Variants in CACNA1E observed in about 807,000 individuals in gnomAD.
CACNA1E encodes the protein calcium voltage-gated channel subunit alpha1 E.
In CACNA1E, 40 loss-of-function variants were observed where a neutral mutation model predicts 259.2. That is an observed-to-expected ratio of 0.15 (90% CI 0.12 to 0.20). The LOEUF is 0.20. CACNA1E is among the 10% of genes least tolerant of loss of function. CACNA1E has a pLI of 1.00. For synonymous variants in CACNA1E, 1,104 were observed against 1,138.5 expected, an observed-to-expected ratio of 0.97 and a Z score of 0.61; for missense variants, 1,874 against 3,040.1, an observed-to-expected ratio of 0.62 and a Z score of 9.02.
At chr1:181,436,967 C>T (rs898487063) in intron 2 of CACNA1E, among the ~76,000 whole-genome samples, 1 of 151,810 alleles carries the variant, frequency 6.6e-6, no homozygotes, top group African/African-American at 2.4e-5. Flanking sequence ...CACATTAAAC[C>T]CCATAAATAT....
intron 6 of CACNA1E, among the ~76,000 whole-genome samples, chr1:181,649,830 C>T (rs1658600264): frequency 1.3e-5 from 2 of 151,998 alleles, no homozygotes; most frequent in Admixed American, 1.3e-4. Context: ...TAGAGAGGAA[C>T]AACACACTGG....
chr1:181,584,824 A>G (rs1651892187), intron 6 of CACNA1E, among the ~76,000 whole-genome samples: 1 of 152,210 alleles, frequency 6.6e-6, no homozygotes, highest in African/African-American at 2.4e-5. Context: ...AATTTGACAA[A>G]TAGGTGGCAG....
intron 2 of CACNA1E, among the ~76,000 whole-genome samples, chr1:181,433,263 C>A (rs686780): frequency 3.9e-5 from 6 of 152,128 alleles, no homozygotes; most frequent in African/African-American, 7.2e-5. Context: ...GGGCCACCCC[C>A]ACTCCATGAT....
chr1:181,494,069 A>G (rs987536133), intron 1 of CACNA1E, among the ~76,000 whole-genome samples: 1 of 152,116 alleles, frequency 6.6e-6, no homozygotes, highest in African/African-American at 2.4e-5. Flanking sequence ...GATTGTACTC[A>G]GAGGTCACTT....
At chr1:181,668,636 C>G (rs987442638) in intron 7 of CACNA1E, 1 of 152,132 alleles carries the variant, frequency 6.6e-6, no homozygotes, top group African/African-American at 2.4e-5. Flanking sequence ...TCTGGTTTTT[C>G]CATATTCTTA....
chr1:181,326,368 G>A (rs1445144824), intron 1 of CACNA1E, among the ~76,000 whole-genome samples: 1 of 152,154 alleles, frequency 6.6e-6, no homozygotes, highest in Non-Finnish European at 1.5e-5. Context: ...TAACATCTTG[G>A]TGCTCTTAGT....
intron 7 of CACNA1E, among the ~76,000 whole-genome samples, chr1:181,684,204 G>A (rs893330970): frequency 6.6e-6 from 1 of 152,068 alleles, no homozygotes; most frequent in Non-Finnish European, 1.5e-5. Flanking sequence ...TCTCATTGTG[G>A]TTTTGATTTG....
chr1:181,752,976 A>G (rs764015478), intron 27 of CACNA1E, among the ~76,000 whole-genome samples: 1 of 152,166 alleles, frequency 6.6e-6, no homozygotes, highest in Non-Finnish European at 1.5e-5. Flanking sequence ...CCCACCCCGC[A>G]TACTTTGCTG....
intron 40 of CACNA1E, 56 bp downstream of exon 40, chr1:181,783,840 A>C (rs1295087978): frequency 1.2e-5 from 13 of 1,091,004 alleles, no homozygotes; most frequent in Non-Finnish European, 1.8e-5. Flanking sequence ...CAACTCATGC[A>C]GGTGGCACAG....
intron 1 of CACNA1E, among the ~76,000 whole-genome samples, chr1:181,349,818 A>G (rs1652897196): frequency 6.6e-6 from 1 of 152,086 alleles, no homozygotes; most frequent in African/African-American, 2.4e-5. Flanking sequence ...CCTCCAAGAA[A>G]TGTGAAAAGG....
At chr1:181,336,404 A>G (rs1210856148) in intron 1 of CACNA1E, among the ~76,000 whole-genome samples, 2 of 152,236 alleles carry the variant, frequency 1.3e-5, no homozygotes, top group East Asian at 3.8e-4. Flanking sequence ...TTTGTGGATG[A>G]TGAAACTGAG....
chr1:181,567,581 G>T (rs1649970443), intron 3 of CACNA1E, among the ~76,000 whole-genome samples: 1 of 152,226 alleles, frequency 6.6e-6, no homozygotes, highest in African/African-American at 2.4e-5. Flanking sequence ...TGTCCATTCT[G>T]GAGGGCAGCA....
chr1:181,329,506 C>T (rs920109781), intron 1 of CACNA1E, among the ~76,000 whole-genome samples: 5 of 152,192 alleles, frequency 3.3e-5, no homozygotes, highest in Non-Finnish European at 5.9e-5. Context: ...CTTCCAGCTA[C>T]TCTGGTCTCT....
chr1:181,711,101 G>A (rs1192126742), intron 8 of CACNA1E, 32 bp downstream of exon 8: 2 of 1,447,218 alleles, frequency 1.4e-6, no homozygotes, highest in South Asian at 1.1e-5. Flanking sequence ...AGGCTGGTGA[G>A]TGGGCTGCAG....
chr1:181,738,911 C>T (rs759261722), intron 24 of CACNA1E, among the ~76,000 whole-genome samples: 1 of 151,988 alleles, frequency 6.6e-6, no homozygotes, highest in Non-Finnish European at 1.5e-5. Flanking sequence ...AGGAATGTGT[C>T]AGGGTTCTGT....
chr1:181,543,755 C>T (rs1668770001), intron 3 of CACNA1E, among the ~76,000 whole-genome samples: 1 of 152,160 alleles, frequency 6.6e-6, no homozygotes, highest in South Asian at 2.1e-4. Context: ...CATCATTAGC[C>T]ATTAGGGAAA....
intron 1 of CACNA1E, among the ~76,000 whole-genome samples, chr1:181,368,285 TAAAA>T (rs772565091): frequency 7.5e-6 from 1 of 133,168 alleles, no homozygotes; most frequent in African/African-American, 2.8e-5. Context: ...AGACTCTGTC[TAAAA>T]AAAAAAAAAA....
At position 181,579,246 on chromosome 1, in the gene CACNA1E, T is replaced by G. The variant is rs748940167; in HGVS notation, c.769+22T>G. The G allele has an allele frequency of 2.5e-6, 4 of 1,595,360 alleles. No homozygotes were observed. The East Asian group carries it at 6.7e-5, about 27-fold the overall frequency. ...TCAGGTAGGGTCGTTCTTTTCTGTC[T>G]TCTCCTTTTCCCTTCTCCCCTCTGT... is the stretch of plus-strand genomic sequence containing the variant. On this transcript the variant is annotated intron_variant, in intron 5 of 47. Coordinates refer to ENST00000367573, the MANE Select transcript of CACNA1E (RefSeq NM_001205293.3).
chr1:181,633,029 C>T, intron 6 of CACNA1E, among the ~76,000 whole-genome samples: 1 of 151,978 alleles, frequency 6.6e-6, no homozygotes, highest in East Asian at 1.9e-4. Context: ...GTTGGTTTCC[C>T]TGGAAGTCAG....
Sources: gnomAD v4.1 joint callset for allele counts (sites outside exome capture counted in the v4.1 genomes callset) on GRCh38, gnomAD v4.1.1 for gene constraint, MANE v1.5 for transcripts, NCBI Gene and HGNC (gene_info 2026-07-23, HGNC 2026-07-21) for gene names.